The following TP63 variants were observed in gnomAD, a reference collection of about 807,000 sequenced individuals.
TP63 encodes tumor protein p63.
Under a neutral mutation model 82.8 loss-of-function variants are expected in TP63, and 17 were observed. The ratio of observed to expected loss-of-function variants is 0.21; its 90% CI spans 0.14 to 0.31. The LOEUF is 0.31. TP63 is among the 10% of genes least tolerant of loss of function. The pLI is 1.00. For synonymous variants in TP63, 330 were observed against 321.7 expected, an observed-to-expected ratio of 1.03 and a Z score of -0.28; for missense variants, 648 against 895.3, an observed-to-expected ratio of 0.72 and a Z score of 3.52.
chr3:189,608,152 A>G, the TP63 span, among the ~76,000 whole-genome samples: 2 of 152,150 alleles, frequency 1.3e-5, no homozygotes, highest in African/African-American at 4.8e-5. Context: ...AGATAAAAAA[A>G]GTTGTGTGTA....
chr3:189,656,276 G>A (rs1352951262), intron 1 of TP63, among the ~76,000 whole-genome samples: 1 of 152,112 alleles, frequency 6.6e-6, no homozygotes, highest in Non-Finnish European at 1.5e-5. Context: ...ATAAGATAGT[G>A]TAGTGTTATT....
intron 1 of TP63, among the ~76,000 whole-genome samples, chr3:189,721,803 C>T (rs1463253963): frequency 1.3e-5 from 2 of 152,164 alleles, no homozygotes; most frequent in African/African-American, 4.8e-5. Flanking sequence ...GCATTACAAT[C>T]TCTTGTGGAA....
intron 4 of TP63, among the ~76,000 whole-genome samples, chr3:189,825,799 AAAT>A (rs1420120660): frequency 1.3e-5 from 2 of 152,226 alleles, no homozygotes; most frequent in Non-Finnish European, 2.9e-5. Flanking sequence ...GCTTTAAAAA[AAAT>A]AATATTTTAT....
intron 9 of TP63, 127 bp from the exon 10 acceptor site, chr3:189,872,732 T>C (rs1432855979): frequency 2.1e-6 from 3 of 1,396,270 alleles, no homozygotes; most frequent in Non-Finnish European, 3.0e-6. Context: ...GATTTTCATG[T>C]TACAAATAAA....
At chr3:189,891,908 C>A (rs1294161027) in intron 13 of TP63, among the ~76,000 whole-genome samples, 2 of 152,044 alleles carry the variant, frequency 1.3e-5, no homozygotes, top group Non-Finnish European at 2.9e-5. Context: ...TTTTTTCCCC[C>A]TCCTTGAGCA....
At chr3:189,806,646 G>A (rs534674733) in intron 3 of TP63, among the ~76,000 whole-genome samples, 258 of 152,216 alleles carry the variant, frequency 1.7e-3, no homozygotes, top group African/African-American at 5.8e-3. Flanking sequence ...GGTAAGTGGT[G>A]GATAGCAGCT....
intron 4 of TP63, among the ~76,000 whole-genome samples, chr3:189,855,880 G>A (rs547446119): frequency 6.6e-6 from 1 of 151,942 alleles, no homozygotes; most frequent in Non-Finnish European, 1.5e-5. Flanking sequence ...AAGAGAAGTT[G>A]GGGAGACGTT....
At chr3:189,867,316 C>T (rs1189792473) in intron 6 of TP63, among the ~76,000 whole-genome samples, 1 of 152,200 alleles carries the variant, frequency 6.6e-6, no homozygotes, top group Non-Finnish European at 1.5e-5. Flanking sequence ...CGGCAACTCT[C>T]TCTCTCTAGG....
At chr3:189,669,097 C>A (rs1380129692) in intron 1 of TP63, among the ~76,000 whole-genome samples, 1 of 151,212 alleles carries the variant, frequency 6.6e-6, no homozygotes, top group African/African-American at 2.4e-5. Flanking sequence ...TAAATCATGA[C>A]TGACTTCTCA....
the TP63 span, among the ~76,000 whole-genome samples, chr3:189,623,782 A>G: frequency 6.6e-6 from 1 of 152,238 alleles, no homozygotes; most frequent in Non-Finnish European, 1.5e-5. Context: ...GCAATAAGCA[A>G]TCAACCAAAT....
At chr3:189,673,243 G>A (rs920935980) in intron 1 of TP63, among the ~76,000 whole-genome samples, 1 of 152,078 alleles carries the variant, frequency 6.6e-6, no homozygotes, top group African/African-American at 2.4e-5. Flanking sequence ...GGAAAGAAGG[G>A]AATCTTCCTC....
At chr3:189,607,814 G>A in the TP63 span, among the ~76,000 whole-genome samples, 1 of 152,092 alleles carries the variant, frequency 6.6e-6, no homozygotes, top group African/African-American at 2.4e-5. Context: ...TCACTTTAAT[G>A]TATTTATATA....
At chr3:189,645,390 G>A (rs1055330530) in intron 1 of TP63, 1 of 502,640 alleles carries the variant, frequency 2.0e-6, no homozygotes, top group South Asian at 3.1e-5. Flanking sequence ...AGTTTGGTCT[G>A]TCATTGTTGG....
At chr3:189,891,465 T>G (rs1434444519) in intron 13 of TP63, among the ~76,000 whole-genome samples, 6 of 152,220 alleles carry the variant, frequency 3.9e-5, no homozygotes, top group African/African-American at 1.2e-4. Flanking sequence ...TTTATTAATT[T>G]TCAGTTTCAT....
chr3:189,655,595 C>T (rs1292883126), intron 1 of TP63, among the ~76,000 whole-genome samples: 1 of 151,974 alleles, frequency 6.6e-6, no homozygotes, highest in Non-Finnish European at 1.5e-5. Context: ...GGACTCCAGC[C>T]TGGGCGACAG....
intron 3 of TP63, among the ~76,000 whole-genome samples, chr3:189,788,851 A>T (rs1724835011): frequency 6.6e-6 from 1 of 151,832 alleles, no homozygotes; most frequent in Non-Finnish European, 1.5e-5. Context: ...AATCATTTTT[A>T]TTACCTATTC....
At position 189,752,466 on chromosome 3, in the gene TP63, C is replaced by T. The variant is rs188251369; in HGVS notation, c.324+13692C>T. On this transcript the variant is annotated intron_variant, in intron 3 of 13. Transcript: ENST00000264731. Reference sequence around the variant, plus strand: ...AAATTTCTAAGATTACAATTGTGAGCCACTGTGCTGGCTATTATCCTTTTT... The same window carrying T: ...AAATTTCTAAGATTACAATTGTGAGTCACTGTGCTGGCTATTATCCTTTTT... Among the ~76,000 whole-genome samples the T allele has an allele frequency of 5.9e-5, 9 of 152,318 alleles. No homozygotes were observed. The East Asian group carries it at 1.7e-3, about 29-fold the overall frequency.
chr3:189,674,320 G>A (rs1023350274), intron 1 of TP63, among the ~76,000 whole-genome samples: 1 of 152,142 alleles, frequency 6.6e-6, no homozygotes, highest in Non-Finnish European at 1.5e-5. Context: ...AACCACAGTC[G>A]TCATTCTTGT....
At chr3:189,785,722 G>T (rs1724550375) in intron 3 of TP63, among the ~76,000 whole-genome samples, 1 of 151,870 alleles carries the variant, frequency 6.6e-6, no homozygotes, top group African/African-American at 2.4e-5. Flanking sequence ...ATTTTAAAGG[G>T]CCTTGAATGC....
Sources: allele counts gnomAD v4.1 joint callset (sites outside exome capture counted in the v4.1 genomes callset), GRCh38; gene constraint gnomAD v4.1.1; transcripts MANE v1.5; gene names NCBI Gene and HGNC (gene_info 2026-07-23, HGNC 2026-07-21).